The following CSGALNACT1 variants were observed in gnomAD, a reference collection of about 807,000 sequenced individuals.
CSGALNACT1 encodes chondroitin sulfate N-acetylgalactosaminyltransferase 1, also known as beta4GalNAcT-1.
Under a neutral mutation model 51.0 loss-of-function variants are expected in CSGALNACT1, and 52 were observed. The observed-to-expected ratio is 1.02, with a 90% confidence interval of 0.82 to 1.29. The LOEUF (loss-of-function observed/expected upper bound fraction) is 1.29, where lower values mean the gene tolerates loss of function less well. CSGALNACT1 is among the 50% of genes most tolerant of loss of function. The probability of loss-of-function intolerance (pLI) is 0.00; values close to 1 mark genes in which losing one functional copy is unlikely to be tolerated. For synonymous variants in CSGALNACT1, 341 were observed against 254.4 expected (o/e 1.34, Z -3.24); for missense variants, 935 against 679.2 (o/e 1.38, Z -4.19).
At chr8:19,551,442 T>C (rs2088057398) in intron 3 of CSGALNACT1, among the ~76,000 whole-genome samples, 1 of 152,106 alleles carries the variant, frequency 6.6e-6, no homozygotes, top group Non-Finnish European at 1.5e-5. Flanking sequence ...ACTTGCAAAA[T>C]CTCTCCCTCA....
chr8:19,462,811 T>C (rs2065838279), intron 4 of CSGALNACT1, among the ~76,000 whole-genome samples: 1 of 151,636 alleles, frequency 6.6e-6, no homozygotes, highest in Admixed American at 6.6e-5. Context: ...TTCATCAGTT[T>C]TCTTTTTTTT....
At chr8:19,748,833 C>T (rs766976149) in intron 1 of CSGALNACT1, among the ~76,000 whole-genome samples, 1 of 151,914 alleles carries the variant, frequency 6.6e-6, no homozygotes, top group African/African-American at 2.4e-5. Flanking sequence ...GGTGTGGTGG[C>T]GAGTGCCTGT....
chr8:19,526,862 C>G (rs919908535), intron 3 of CSGALNACT1, among the ~76,000 whole-genome samples: 2 of 152,150 alleles, frequency 1.3e-5, no homozygotes, highest in African/African-American at 4.8e-5. Flanking sequence ...TATCAAAGCT[C>G]TGGCCATTCC....
Position 19,488,969 on chromosome 8 carries a change from G to A in CSGALNACT1, c.634+16232C>T, listed in dbSNP as rs143645731. On this transcript the variant is annotated intron_variant, in intron 4 of 9. Coordinates refer to ENST00000454498, the Ensembl canonical transcript of CSGALNACT1. Reference sequence around the variant, plus strand: ...CAGGATCCTTGAAAATGAATAATATGCAGTTATTATTATGCGCAAATAAGT... The same window carrying A: ...CAGGATCCTTGAAAATGAATAATATACAGTTATTATTATGCGCAAATAAGT... Among the ~76,000 whole-genome samples, 347 of 152,172 alleles carry A rather than the reference G, an allele frequency of 2.3e-3. 2 individuals carry two copies. Among genetic ancestry groups the A allele is most frequent in the African/African-American group, 7.9e-3 (330 of 41,516 alleles).
At chr8:19,589,871 G>A (rs1434750443) in intron 3 of CSGALNACT1, among the ~76,000 whole-genome samples, 1 of 152,174 alleles carries the variant, frequency 6.6e-6, no homozygotes, top group East Asian at 1.9e-4. Context: ...TAGGCAGTTT[G>A]TGGAAAGAAT....
chr8:19,735,103 AC>A (rs1270824286), intron 1 of CSGALNACT1, among the ~76,000 whole-genome samples: 1 of 152,032 alleles, frequency 6.6e-6, no homozygotes, highest in Non-Finnish European at 1.5e-5. Flanking sequence ...AGAACTGAGA[AC>A]CCCCAAAATG....
chr8:19,440,350 A>G (rs977390956), intron 5 of CSGALNACT1, among the ~76,000 whole-genome samples: 1 of 152,102 alleles, frequency 6.6e-6, no homozygotes, highest in Non-Finnish European at 1.5e-5. Context: ...TCAGCAGCAC[A>G]TCAAAAAGCT....
upstream of CSGALNACT1, among the ~76,000 whole-genome samples, chr8:19,604,777 C>T (rs976070934): frequency 2.0e-5 from 3 of 150,532 alleles, no homozygotes; most frequent in East Asian, 2.0e-4. Flanking sequence ...TAGCCGCGCA[C>T]GATGGCAGGT....
chr8:19,756,251 C>T (rs1492635), intron 1 of CSGALNACT1, among the ~76,000 whole-genome samples: 116,167 of 151,878 alleles, frequency 0.76, 44,606 homozygotes, highest in Middle Eastern at 0.89. Context: ...TGAAAGAACA[C>T]TTCATTACCT....
intron 1 of CSGALNACT1, among the ~76,000 whole-genome samples, chr8:19,693,611 C>G (rs2061440060): frequency 6.6e-6 from 1 of 152,120 alleles, no homozygotes; most frequent in Admixed American, 6.6e-5. Flanking sequence ...CCAAGATTTT[C>G]TCTGGACCTG....
chr8:19,575,636 T>A (rs965710509), intron 3 of CSGALNACT1, among the ~76,000 whole-genome samples: 1 of 152,364 alleles, frequency 6.6e-6, no homozygotes, highest in East Asian at 1.9e-4. Flanking sequence ...CTGGGTATTC[T>A]AGGATACTGA....
intron 4 of CSGALNACT1, among the ~76,000 whole-genome samples, chr8:19,464,509 T>C (rs1308245413): frequency 3.9e-5 from 6 of 152,150 alleles, no homozygotes; most frequent in Non-Finnish European, 7.3e-5. Context: ...AGCTGGTTTA[T>C]ATTAAGCACA....
At chr8:19,585,439 C>T (rs2046412832) in intron 3 of CSGALNACT1, 1 of 152,250 alleles carries the variant, frequency 6.6e-6, no homozygotes, top group Admixed American at 6.5e-5. Flanking sequence ...ATTAAACCTA[C>T]AGCTACCTGA....
At chr8:19,570,068 G>C (rs2042681215) in intron 3 of CSGALNACT1, among the ~76,000 whole-genome samples, 1 of 151,594 alleles carries the variant, frequency 6.6e-6, no homozygotes, top group African/African-American at 2.4e-5. Context: ...ATGTTAAATG[G>C]AAGGGAGGGT....
At chr8:19,692,931 C>A (rs1301680168) in intron 1 of CSGALNACT1, among the ~76,000 whole-genome samples, 1 of 152,222 alleles carries the variant, frequency 6.6e-6, no homozygotes, top group African/African-American at 2.4e-5. Flanking sequence ...TGGGAAAATG[C>A]AATGCATCTG....
chr8:19,434,315 AT>A (rs2060062348), intron 6 of CSGALNACT1, among the ~76,000 whole-genome samples: 2 of 152,168 alleles, frequency 1.3e-5, no homozygotes, highest in Admixed American at 1.3e-4. Context: ...ATTTGGAGAA[AT>A]TCTAAACCTT....
At chr8:19,507,607 T>C (rs1280805587) in intron 3 of CSGALNACT1, among the ~76,000 whole-genome samples, 1 of 151,562 alleles carries the variant, frequency 6.6e-6, no homozygotes, top group Admixed American at 6.6e-5. Flanking sequence ...GACATTTTAA[T>C]GAAACCTTCC....
chr8:19,450,041 C>A (rs1284310088), intron 5 of CSGALNACT1, among the ~76,000 whole-genome samples: 1 of 98,900 alleles, frequency 1.0e-5, no homozygotes, highest in Non-Finnish European at 1.9e-5. Flanking sequence ...GTTTCAAGGG[C>A]AAAATGGGGT....
At chr8:19,725,644 C>A (rs968173523) in intron 1 of CSGALNACT1, among the ~76,000 whole-genome samples, 1 of 151,896 alleles carries the variant, frequency 6.6e-6, no homozygotes. Flanking sequence ...AGGCTGGTTT[C>A]GAACTCCTGA....
Sources: allele counts gnomAD v4.1 joint callset (sites outside exome capture counted in the v4.1 genomes callset), GRCh38; gene constraint gnomAD v4.1.1; transcripts MANE v1.5; gene names NCBI Gene and HGNC (gene_info 2026-07-23, HGNC 2026-07-21).